Variants in SORCS2 observed in about 807,000 individuals in gnomAD.
The protein encoded by SORCS2 is VPS10 domain-containing receptor SorCS2.
A neutral mutation model predicts 141.6 loss-of-function variants in SORCS2; 100 were observed. That is an observed-to-expected ratio of 0.71 (90% CI 0.60 to 0.83). SORCS2 has a LOEUF of 0.83. SORCS2 is among the 40% of genes least tolerant of loss of function. The pLI is 0.00. For missense variants in SORCS2, 1,646 were observed against 1,560.2 expected (o/e 1.05, Z -0.93); for synonymous variants, 789 against 676.9 (o/e 1.17, Z -2.57).
At chr4:7,435,586 C>A (rs1224688478) in intron 2 of SORCS2, among the ~76,000 whole-genome samples, 1 of 152,226 alleles carries the variant, frequency 6.6e-6, no homozygotes, top group African/African-American at 2.4e-5. Flanking sequence ...CCGGTCTCTT[C>A]ATTCTAGAAA....
In SORCS2 at chr4:7,467,942, A is replaced by G. The variant is rs142257643; in HGVS notation, c.549-63588A>G. ...GGAGATAGCTGCCAGGTTGGGTTTGAGTGGGCTCCTGCCCAAGGGGCTGGC... is the reference window on the plus strand; with the variant it reads ...GGAGATAGCTGCCAGGTTGGGTTTGGGTGGGCTCCTGCCCAAGGGGCTGGC... On this transcript the variant is annotated intron_variant, in intron 2 of 26. Transcript: ENST00000507866. Among the ~76,000 whole-genome samples, 847 of 152,284 alleles carry G rather than the reference A, an allele frequency of 5.6e-3. 12 individuals carry two copies. Among genetic ancestry groups the G allele is most frequent in the African/African-American group, 0.019 (801 of 41,554 alleles).
chr4:7,256,991 C>T (rs1412345899), intron 1 of SORCS2, among the ~76,000 whole-genome samples: 1 of 152,064 alleles, frequency 6.6e-6, no homozygotes, highest in Non-Finnish European at 1.5e-5. Context: ...ATTTATGGCT[C>T]CTGGGCATTC....
At chr4:7,208,011 C>G (rs142166984) in intron 1 of SORCS2, among the ~76,000 whole-genome samples, 1 of 152,032 alleles carries the variant, frequency 6.6e-6, no homozygotes, top group Non-Finnish European at 1.5e-5. Context: ...AGTTTTCGGG[C>G]GCCTTCTCCC....
In SORCS2 at chr4:7,193,111, G is replaced by A; in HGVS notation, c.465G>A (p.Thr155=). Residue 155 remains threonine, a synonymous_variant, in exon 1 of 27, where the codon ACG becomes ACA. Transcript: ENST00000507866. The surrounding 1 kb of genome is among the most constrained non-coding windows in gnomAD (Gnocchi z 4.8). ...ACAACCAGGCGATGGTGCACTGGAC[G>A]GGCGAGAACAGCAGCGTAAGTGACC... ...ATHNQAMVHW[T]GENSSVILIL... is the part of the protein sequence containing the mutation. 1.9e-6 allele frequency: 3 copies of A among 1,546,326 alleles called. No individual in the cohort carries two copies. The highest frequency in any genetic ancestry group is 1.7e-4 in the Middle Eastern group (1 of 5,902).
chr4:7,712,952 AC>A (rs1329275794), intron 15 of SORCS2, 99 bp downstream of exon 15: 1 of 1,493,890 alleles, frequency 6.7e-7, no homozygotes, highest in East Asian at 2.4e-5. Context: ...GCCGCAGGGC[AC>A]CTCCCCGCCT....
chr4:7,355,949 C>T (rs372666853), intron 1 of SORCS2, among the ~76,000 whole-genome samples: 2 of 152,252 alleles, frequency 1.3e-5, no homozygotes, highest in South Asian at 4.1e-4. Context: ...TCCACCTGCC[C>T]TCTGCCCTCC....
chr4:7,568,306 G>A (rs1305037273), intron 3 of SORCS2, among the ~76,000 whole-genome samples: 1 of 152,214 alleles, frequency 6.6e-6, no homozygotes, highest in East Asian at 1.9e-4. Context: ...GTTCAAACAA[G>A]TTAGCAAGTA....
At chr4:7,705,989 G>C (rs908942425) in intron 14 of SORCS2, among the ~76,000 whole-genome samples, 4 of 152,260 alleles carry the variant, frequency 2.6e-5, no homozygotes, top group Non-Finnish European at 4.4e-5. Flanking sequence ...ATCCTGCCCA[G>C]GCTGGCCTCT....
intron 1 of SORCS2, among the ~76,000 whole-genome samples, chr4:7,353,946 C>A (rs1721101534): frequency 1.3e-5 from 2 of 152,196 alleles, no homozygotes; most frequent in South Asian, 4.1e-4. Flanking sequence ...AGCTTCCCGG[C>A]AAGAAGCCCC....
At chr4:7,556,749 T>C (rs1714138616) in intron 3 of SORCS2, among the ~76,000 whole-genome samples, 1 of 146,074 alleles carries the variant, frequency 6.8e-6, no homozygotes, top group Non-Finnish European at 1.5e-5. Flanking sequence ...TGTCCACCCA[T>C]CTACCTACCA....
At chr4:7,450,739 G>A (rs907512575) in intron 2 of SORCS2, among the ~76,000 whole-genome samples, 3 of 152,220 alleles carry the variant, frequency 2.0e-5, no homozygotes, top group African/African-American at 7.2e-5. Context: ...ATGAGTGACT[G>A]AATGAATGAG....
intron 23 of SORCS2, among the ~76,000 whole-genome samples, chr4:7,730,729 G>C (rs1711594853): frequency 6.6e-6 from 1 of 152,216 alleles, no homozygotes; most frequent in South Asian, 2.1e-4. Context: ...GCCAGGGGCT[G>C]GGGGAGGGCG....
Position 7,505,997 on chromosome 4 carries a change from G to A in SORCS2, c.549-25533G>A, listed in dbSNP as rs376120652. 6.9e-4 allele frequency among the ~76,000 whole-genome samples: 105 copies of A among 152,280 alleles called. 1 individual carries two copies. In the South Asian group the frequency reaches 0.021, roughly 30 times the overall value. On this transcript the variant is annotated intron_variant, in intron 2 of 26. Coordinates refer to ENST00000507866, the MANE Select transcript of SORCS2 (RefSeq NM_020777.3). ...TCCCAGAGTCATTGTGAGGAGCCCT[G>A]GCAGGGGGAACGCATAGCCGTGCAG...
intron 2 of SORCS2, among the ~76,000 whole-genome samples, chr4:7,476,285 A>G (rs146546917): frequency 3.9e-4 from 60 of 152,232 alleles, no homozygotes; most frequent in African/African-American, 1.2e-3. Flanking sequence ...GGCTCATGCA[A>G]TTGTTGGGGT....
intron 1 of SORCS2, among the ~76,000 whole-genome samples, chr4:7,317,170 TAGTGTTGA>T (rs1718615180): frequency 6.6e-6 from 1 of 152,126 alleles, no homozygotes. Context: ...GTGCCTGGTG[TAGTGTTGA>T]AGGATGGGAA....
intron 2 of SORCS2, 88 bp from the exon 3 acceptor site, chr4:7,531,442 G>C: frequency 3.1e-6 from 4 of 1,285,374 alleles, no homozygotes; most frequent in Non-Finnish European, 4.4e-6. Flanking sequence ...GCCCGCACGG[G>C]CACAGGGCAG....
At chr4:7,425,014 C>G (rs193162270) in intron 2 of SORCS2, among the ~76,000 whole-genome samples, 1 of 152,202 alleles carries the variant, frequency 6.6e-6, no homozygotes, top group Non-Finnish European at 1.5e-5. Context: ...GACCTTGCCC[C>G]ATCTGTGGGC....
At chr4:7,486,082 C>T (rs1348420834) in intron 2 of SORCS2, among the ~76,000 whole-genome samples, 1 of 152,200 alleles carries the variant, frequency 6.6e-6, no homozygotes, top group Non-Finnish European at 1.5e-5. Flanking sequence ...GGGATGGCAA[C>T]TCCAGACTGA....
intron 3 of SORCS2, among the ~76,000 whole-genome samples, chr4:7,637,302 A>T (rs1159980369): frequency 7.9e-6 from 1 of 126,572 alleles, no homozygotes; most frequent in Non-Finnish European, 1.6e-5. Context: ...AGTCCCCTAC[A>T]TCAGCACCTC....
Sources: allele counts gnomAD v4.1 joint callset (sites outside exome capture counted in the v4.1 genomes callset), GRCh38; gene constraint gnomAD v4.1.1; non-coding constraint Gnocchi (gnomAD v3.1); transcripts MANE v1.5; gene names NCBI Gene and HGNC (gene_info 2026-07-23, HGNC 2026-07-21).